The following PRKCB variants were observed in gnomAD, a reference collection of about 807,000 sequenced individuals.
PRKCB encodes protein kinase C beta.
PRKCB carries 13 observed loss-of-function variants against 81.5 expected under a neutral mutation model. The observed-to-expected ratio is 0.16, with a 90% CI of 0.10 to 0.25. The LOEUF is 0.25. PRKCB is among the 10% of genes least tolerant of loss of function. The pLI is 1.00. For synonymous variants in PRKCB, 335 were observed against 321.4 expected, an observed-to-expected ratio of 1.04 and a Z score of -0.45; for missense variants, 509 against 875.7, an observed-to-expected ratio of 0.58 and a Z score of 5.29.
At chr16:24,070,334 C>T (rs918642905) in intron 5 of PRKCB, among the ~76,000 whole-genome samples, 5 of 151,440 alleles carry the variant, frequency 3.3e-5, no homozygotes, top group African/African-American at 4.9e-5. Context: ...TTTTCAGTAG[C>T]GACGGATTTT....
intron 2 of PRKCB, among the ~76,000 whole-genome samples, chr16:23,986,548 G>C (rs918384058): frequency 6.6e-6 from 1 of 152,010 alleles, no homozygotes; most frequent in Non-Finnish European, 1.5e-5. Context: ...CACCACACCC[G>C]GTTTCTATTC....
rs185461192 is a variant in PRKCB, at chr16:23,842,337, G to A, written c.205+4931G>A. ...ATAATGAGGTGGTGCATGAGAAATA[G>A]CCACAGCAAGTATCAATGACTCTAA... is the stretch of plus-strand genomic sequence containing the variant. On this transcript the variant is annotated intron_variant, in intron 2 of 16. Coordinates refer to ENST00000643927, the MANE Select transcript of PRKCB (RefSeq NM_002738.7). Among the ~76,000 whole-genome samples, 148 of 152,300 alleles carry A rather than the reference G, an allele frequency of 9.7e-4. 1 individual carries two copies. The highest frequency in any genetic ancestry group is 3.4e-3 in the African/African-American group (141 of 41,558).
intron 3 of PRKCB, among the ~76,000 whole-genome samples, chr16:23,993,739 G>A (rs1964920005): frequency 6.6e-6 from 1 of 152,170 alleles, no homozygotes; most frequent in South Asian, 2.1e-4. Flanking sequence ...AACTGTTAAA[G>A]GCAAGGTAGG....
intron 3 of PRKCB, among the ~76,000 whole-genome samples, chr16:23,996,804 A>G (rs984487943): frequency 2.6e-5 from 4 of 152,172 alleles, no homozygotes; most frequent in Admixed American, 2.6e-4. Context: ...AGAATGGTGG[A>G]ATGGCCTTTT....
chr16:23,970,738 A>G lies in PRKCB; in HGVS notation c.206-17770A>G, dbSNP rs375069758. On this transcript the variant is annotated intron_variant, in intron 2 of 16. Coordinates refer to ENST00000643927, the MANE Select transcript of PRKCB (RefSeq NM_002738.7). ...TGTTACAGGGCCCCTGGGGCTCAAA[A>G]GGTGTTTGCTGAACCCCTGTCTTGT... Among the ~76,000 whole-genome samples, 3 of 152,350 alleles carry G rather than the reference A, an allele frequency of 2.0e-5. No individual in the cohort carries two copies. The East Asian group carries it at 5.8e-4, about 29-fold the overall frequency.
rs139753793 is a variant in PRKCB, at chr16:23,890,088, A to C, written c.205+52682A>C. On this transcript the variant is annotated intron_variant, in intron 2 of 16. Coordinates refer to ENST00000643927, the MANE Select transcript of PRKCB (RefSeq NM_002738.7). Reference sequence around the variant, plus strand: ...TCAGCACATATTTTTAAAACAATAAATCAGTTAATGAATGGATCTACTTGA... The same window carrying C: ...TCAGCACATATTTTTAAAACAATAACTCAGTTAATGAATGGATCTACTTGA... Among the ~76,000 whole-genome samples, 841 of 152,372 alleles carry C rather than the reference A, an allele frequency of 5.5e-3. 10 individuals carry two copies. The highest frequency in any genetic ancestry group is 0.018 in the African/African-American group (763 of 41,594).
chr16:23,949,299 G>C (rs915893847), intron 2 of PRKCB, among the ~76,000 whole-genome samples: 1 of 152,212 alleles, frequency 6.6e-6, no homozygotes, highest in Non-Finnish European at 1.5e-5. Context: ...CTTAGATAAG[G>C]AAGAGAAAGG....
intron 12 of PRKCB, among the ~76,000 whole-genome samples, chr16:24,178,575 A>G (rs1019111659): frequency 1.3e-5 from 2 of 152,246 alleles, no homozygotes; most frequent in Non-Finnish European, 2.9e-5. Flanking sequence ...ATATAGACCT[A>G]CCTAGTAAGT....
chr16:23,852,375 A>G lies in PRKCB; in HGVS notation c.205+14969A>G, dbSNP rs1962487947. On this transcript the variant is annotated intron_variant, in intron 2 of 16. Transcript: ENST00000643927. ...TTTTCCTGCATCTATTGAGATGATC[A>G]TATGATTTTTATCCTTTATTTTGTT... Among the ~76,000 whole-genome samples the G allele has an allele frequency of 2.0e-5, 3 of 152,192 alleles. No homozygotes were observed. In the South Asian group the frequency reaches 6.2e-4, roughly 32 times the overall value.
chr16:23,845,750 A>T (rs1272879801), intron 2 of PRKCB, among the ~76,000 whole-genome samples: 1 of 152,210 alleles, frequency 6.6e-6, no homozygotes, highest in Admixed American at 6.5e-5. Context: ...TTACCTTGAG[A>T]TGGCTTCTTT....
At chr16:24,111,910 T>C (rs952696960) in intron 7 of PRKCB, among the ~76,000 whole-genome samples, 2 of 152,222 alleles carry the variant, frequency 1.3e-5, no homozygotes, top group Admixed American at 6.5e-5. Context: ...CGTCATTACA[T>C]TTCAATTTCA....
At chr16:23,867,622 G>A (rs1041546092) in intron 2 of PRKCB, among the ~76,000 whole-genome samples, 3 of 152,172 alleles carry the variant, frequency 2.0e-5, no homozygotes, top group Non-Finnish European at 4.4e-5. Context: ...CCTGGGTCCT[G>A]TGTCACTTTA....
At chr16:23,890,717 T>C (rs1963280202) in intron 2 of PRKCB, among the ~76,000 whole-genome samples, 1 of 152,166 alleles carries the variant, frequency 6.6e-6, no homozygotes, top group East Asian at 1.9e-4. Flanking sequence ...ATGGGACACT[T>C]CCTCCCCATC....
chr16:23,905,944 A>G (rs1284390972), intron 2 of PRKCB, among the ~76,000 whole-genome samples: 1 of 152,160 alleles, frequency 6.6e-6, no homozygotes, highest in Non-Finnish European at 1.5e-5. Flanking sequence ...TGCATAATGT[A>G]TTTAACCAGT....
rs541815143 is a variant in PRKCB, at chr16:24,185,813, T to C, written c.1722+246T>C. On this transcript the variant is annotated intron_variant, in intron 15 of 16. Coordinates refer to ENST00000643927, the MANE Select transcript of PRKCB (RefSeq NM_002738.7). ...CGTCTTGCTGCTGGCTGGGCTGCAG[T>C]CTCTGAACCAGCACAGGGGAATGCT... 3.3e-4 allele frequency among the ~76,000 whole-genome samples: 50 copies of C among 152,266 alleles called. No homozygotes were observed. The East Asian group carries it at 6.8e-3, about 21-fold the overall frequency.
chr16:23,988,606 C>T lies in PRKCB; in HGVS notation c.288+16C>T, dbSNP rs1478247416. 7.5e-6 allele frequency: 12 copies of T among 1,610,350 alleles called. No homozygotes were observed. Among genetic ancestry groups the T allele is most frequent in the African/African-American group, 1.3e-5 (1 of 74,944 alleles). ...AGCCTCCGATGTAAGTAATGGGCATCGATTGCTTTTCTCTGTCCACAGTCA... is the reference window on the plus strand; with the variant it reads ...AGCCTCCGATGTAAGTAATGGGCATTGATTGCTTTTCTCTGTCCACAGTCA... On this transcript the variant is annotated intron_variant, in intron 3 of 16. Transcript: ENST00000643927.
intron 5 of PRKCB, among the ~76,000 whole-genome samples, chr16:24,061,414 C>T (rs557472312): frequency 2.6e-5 from 4 of 152,226 alleles, no homozygotes; most frequent in African/African-American, 9.6e-5. Context: ...CAGGAGTGCC[C>T]TGATATATAC....
intron 2 of PRKCB, among the ~76,000 whole-genome samples, chr16:23,912,555 C>T (rs1388292557): frequency 8.7e-6 from 1 of 115,492 alleles, no homozygotes; most frequent in Non-Finnish European, 1.6e-5. Flanking sequence ...CTCTGTTGCC[C>T]AGGCTGGAGT....
chr16:24,116,310 A>G (rs1966737079), intron 8 of PRKCB, among the ~76,000 whole-genome samples: 1 of 151,996 alleles, frequency 6.6e-6, no homozygotes, highest in Non-Finnish European at 1.5e-5. Context: ...TAATCCCAGC[A>G]CTTTGGGAGG....
Sources: gnomAD v4.1 joint callset for allele counts (sites outside exome capture counted in the v4.1 genomes callset) on GRCh38, gnomAD v4.1.1 for gene constraint, MANE v1.5 for transcripts, NCBI Gene and HGNC (gene_info 2026-07-23, HGNC 2026-07-21) for gene names.